The following ATP6V1C2 variants were observed in gnomAD, a reference collection of about 807,000 sequenced individuals.
The protein encoded by ATP6V1C2 is V-type proton ATPase subunit C 2.
ATP6V1C2 carries 45 observed loss-of-function variants against 56.8 expected under a neutral mutation model. The observed-to-expected ratio is 0.79, with a 90% CI of 0.62 to 1.02. ATP6V1C2 has a LOEUF of 1.02. ATP6V1C2 is among the 50% of genes least tolerant of loss of function. ATP6V1C2 has a pLI of 0.00. For synonymous variants in ATP6V1C2, 220 were observed against 201.3 expected, an observed-to-expected ratio of 1.09 and a Z score of -0.79; for missense variants, 463 against 519.7, an observed-to-expected ratio of 0.89 and a Z score of 1.06.
chr2:10,767,673 G>A (rs1416418546), intron 5 of ATP6V1C2, among the ~76,000 whole-genome samples: 1 of 152,150 alleles, frequency 6.6e-6, no homozygotes, highest in Non-Finnish European at 1.5e-5. Context: ...GGCCAGGCTG[G>A]TCTCAAACTC....
Position 10,783,311 on chromosome 2 carries a change from A to T in ATP6V1C2, c.*48A>T, listed in dbSNP as rs376828785. ...CTCATGTTCGTGCAGATTATTACAG[A>T]CACCTCTTTCCTTTAGCCAGAGAAT... On this transcript the variant is annotated 3_prime_UTR_variant, in exon 14 of 14. Coordinates refer to ENST00000272238, the MANE Select transcript of ATP6V1C2 (RefSeq NM_001039362.2). 21 of 1,272,934 alleles carry T rather than the reference A, an allele frequency of 1.6e-5. No individual in the cohort carries two copies. The African/African-American group carries it at 2.9e-4, about 18-fold the overall frequency. The allele number at this position is 1,272,934 out of a possible 1,614,324, so 78.9% of individuals were successfully genotyped here.
intron 4 of ATP6V1C2, among the ~76,000 whole-genome samples, chr2:10,758,696 C>T (rs1663701319): frequency 6.6e-6 from 1 of 150,746 alleles, no homozygotes; most frequent in Admixed American, 6.6e-5. Context: ...CGGAGTCTTG[C>T]TCTGTCGCCA....
chr2:10,763,636 A>G lies in ATP6V1C2; in HGVS notation c.284-695A>G, dbSNP rs538981432. Among the ~76,000 whole-genome samples the G allele has an allele frequency of 6.6e-6, 1 of 152,272 alleles. No homozygotes were observed. Among genetic ancestry groups the G allele is most frequent in the Non-Finnish European group, 1.5e-5 (1 of 68,016 alleles). Reference sequence around the variant, plus strand: ...GGGCCACCGTGGCGCTGCAGCTTCCAGGGAATTTCCCGCTCTTCCATAGAC... The same window carrying G: ...GGGCCACCGTGGCGCTGCAGCTTCCGGGGAATTTCCCGCTCTTCCATAGAC... On this transcript the variant is annotated intron_variant, in intron 4 of 13. Transcript: ENST00000272238. The surrounding 1 kb of genome is among the most constrained non-coding windows in gnomAD (Gnocchi z 4.2).
At chr2:10,738,934 G>A (rs1055669723) in intron 3 of ATP6V1C2, among the ~76,000 whole-genome samples, 2 of 152,150 alleles carry the variant, frequency 1.3e-5, no homozygotes, top group South Asian at 2.1e-4. Context: ...TTCTCAGCAC[G>A]TCCATCGAAG....
At chr2:10,773,309 T>A (rs1349189014) in intron 8 of ATP6V1C2, among the ~76,000 whole-genome samples, 2 of 151,974 alleles carry the variant, frequency 1.3e-5, no homozygotes, top group Non-Finnish European at 2.9e-5. Flanking sequence ...ATGGAGTGAG[T>A]GGCACATAGT....
intron 2 of ATP6V1C2, among the ~76,000 whole-genome samples, chr2:10,726,260 A>G (rs529027580): frequency 1.3e-5 from 2 of 152,346 alleles, no homozygotes; most frequent in African/African-American, 4.8e-5. Context: ...AGATGGTAAC[A>G]TCATAGTCAC....
chr2:10,723,693 G>A (rs1160803969), intron 2 of ATP6V1C2, among the ~76,000 whole-genome samples: 6 of 151,672 alleles, frequency 4.0e-5, no homozygotes, highest in African/African-American at 2.4e-5. Context: ...CAAAAAAATA[G>A]CCAGGCATGG....
chr2:10,772,766 C>T (rs931753613), intron 8 of ATP6V1C2, among the ~76,000 whole-genome samples, 156 bp downstream of exon 8: 7 of 152,140 alleles, frequency 4.6e-5, no homozygotes, highest in Middle Eastern at 3.2e-3. Flanking sequence ...CTGTCAGGGT[C>T]GCCCACCTTG....
intron 5 of ATP6V1C2, among the ~76,000 whole-genome samples, chr2:10,766,582 CGTTTTTTT>C (rs1664235280): frequency 1.3e-5 from 2 of 151,508 alleles, no homozygotes; most frequent in Non-Finnish European, 2.9e-5. Context: ...TATTTTTTTT[CGTTTTTTT>C]GTTTTTCAAA....
chr2:10,766,924 GCTGTGGGAAATCA>G (rs1476223821), intron 5 of ATP6V1C2, among the ~76,000 whole-genome samples: 1 of 152,086 alleles, frequency 6.6e-6, no homozygotes, highest in Admixed American at 6.5e-5. Context: ...TGTATAGTGA[GCTGTGGGAAATCA>G]CTGTGGGAAA....
chr2:10,759,459 T>C (rs1663764864), intron 4 of ATP6V1C2, among the ~76,000 whole-genome samples: 1 of 152,104 alleles, frequency 6.6e-6, no homozygotes, highest in Non-Finnish European at 1.5e-5. Flanking sequence ...AGGCCTCCTT[T>C]TTGTTCTCGG....
At chr2:10,774,169 C>T (rs1367822245) in intron 8 of ATP6V1C2, among the ~76,000 whole-genome samples, 2 of 152,244 alleles carry the variant, frequency 1.3e-5, no homozygotes, top group African/African-American at 2.4e-5. Flanking sequence ...CCCCTATGGG[C>T]ATGGGCTCTG....
rs1049479640 is a variant in ATP6V1C2, at chr2:10,724,861, C to T, written c.130-1641C>T. The stretch of plus-strand genomic sequence containing the variant: ...CTAGTTTTTGTATTTTTAGTAGAGA[C>T]GGGGTGTCACCAGGTTGACCAGTTT... On this transcript the variant is annotated intron_variant, in intron 2 of 13. Transcript: ENST00000272238. 7.2e-5 allele frequency among the ~76,000 whole-genome samples: 11 copies of T among 152,006 alleles called. No individual in the cohort carries two copies. The East Asian group carries it at 7.8e-4, about 11-fold the overall frequency.
At chr2:10,740,347 C>A (rs956186422) in intron 3 of ATP6V1C2, among the ~76,000 whole-genome samples, 9 of 152,082 alleles carry the variant, frequency 5.9e-5, no homozygotes, top group Non-Finnish European at 1.0e-4. Context: ...CCATTGTACT[C>A]CTATTTGTGT....
At chr2:10,726,049 C>T (rs775755077) in intron 2 of ATP6V1C2, among the ~76,000 whole-genome samples, 1 of 152,106 alleles carries the variant, frequency 6.6e-6, no homozygotes, top group East Asian at 1.9e-4. Flanking sequence ...CATTTCACTC[C>T]AGCCTGGGCA....
intron 3 of ATP6V1C2, among the ~76,000 whole-genome samples, chr2:10,751,303 G>C (rs909931642): frequency 6.6e-6 from 1 of 152,050 alleles, no homozygotes; most frequent in Non-Finnish European, 1.5e-5. Context: ...AGTCCACCCA[G>C]GTTGCCTAGA....
rs1180846561 is a variant in ATP6V1C2 at position 10,722,754 on chromosome 2, T to A, written c.-26-70T>A. On this transcript the variant is annotated intron_variant, in intron 1 of 13. Transcript: ENST00000272238. ...GGATGAATTGGAGGGTAGGGAGTGGTGAGGCGGGGATATCTGACACATCTC... is the reference window on the plus strand; with the variant it reads ...GGATGAATTGGAGGGTAGGGAGTGGAGAGGCGGGGATATCTGACACATCTC... 4 of 1,492,858 alleles carry A rather than the reference T, an allele frequency of 2.7e-6. No individual in the cohort carries two copies. The Admixed American group carries it at 5.6e-5, about 21-fold the overall frequency. The allele number at this position is 1,492,858 out of a possible 1,614,324, so 92.5% of individuals were successfully genotyped here. A position where few individuals can be genotyped will look rare whatever the true frequency, so the allele number is the denominator to read the frequency against.
chr2:10,734,907 GA>G (rs1299547380), intron 3 of ATP6V1C2, among the ~76,000 whole-genome samples: 1 of 151,992 alleles, frequency 6.6e-6, no homozygotes, highest in Non-Finnish European at 1.5e-5. Flanking sequence ...AAAATAGCAA[GA>G]CCTCCTCTCT....
rs1257610118 is a variant in ATP6V1C2, at chr2:10,755,233, T to G, written c.283+1167T>G. 7.5e-4 allele frequency among the ~76,000 whole-genome samples: 114 copies of G among 151,700 alleles called. 1 individual carries two copies. The highest frequency in any genetic ancestry group is 2.9e-5 in the Non-Finnish European group (2 of 67,992). On this transcript the variant is annotated intron_variant, in intron 4 of 13. Coordinates refer to ENST00000272238, the MANE Select transcript of ATP6V1C2 (RefSeq NM_001039362.2). ...GTATTTTTAGTAGAGACGGGGTTTC[T>G]CCATGTTGGTCAGGCTGGTCTCGAA...
Sources: allele counts gnomAD v4.1 joint callset (sites outside exome capture counted in the v4.1 genomes callset), GRCh38; gene constraint gnomAD v4.1.1; non-coding constraint Gnocchi (gnomAD v3.1); transcripts MANE v1.5; gene names NCBI Gene and HGNC (gene_info 2026-07-23, HGNC 2026-07-21).